ZNF76: variants seen among roughly 807,000 people sequenced by gnomAD.
ZNF76 encodes zinc finger protein 523.
In ZNF76, 66 loss-of-function variants were observed where a neutral mutation model predicts 66.9. The ratio of observed to expected loss-of-function variants is 0.99; its 90% confidence interval spans 0.81 to 1.21. The LOEUF is 1.21. Ranked by LOEUF, ZNF76 falls within the 50% of genes most tolerant of loss-of-function variation. ZNF76 has a pLI of 0.00. For synonymous variants in ZNF76, 275 were observed against 296.1 expected, an observed-to-expected ratio of 0.93 and a Z score of 0.73; for missense variants, 729 against 760.3, an observed-to-expected ratio of 0.96 and a Z score of 0.48.
rs1362116269 is a variant in ZNF76, at chr6:35,287,454, G to A, written c.233-192G>A. 1.3e-5 allele frequency among the ~76,000 whole-genome samples: 2 copies of A among 152,136 alleles called. No homozygotes were observed. The highest frequency in any genetic ancestry group is 1.5e-5 in the Non-Finnish European group (1 of 68,016). The stretch of plus-strand genomic sequence containing the variant: ...GTGAGTTCCCATTTAGTGTACCATA[G>A]GAGACCTCATCCTTAGGTGAGACAG... On this transcript the variant is annotated intron_variant, in intron 4 of 13. Transcript: ENST00000373953. This position sits in a 1 kb window ranked among gnomAD's most constrained non-coding sequence, Gnocchi z 4.0.
At chr6:35,276,245 G>A (rs1001706383) in intron 1 of ZNF76, among the ~76,000 whole-genome samples, 8 of 152,162 alleles carry the variant, frequency 5.3e-5, no homozygotes, top group Non-Finnish European at 1.0e-4. Flanking sequence ...AGGGTAATTT[G>A]GGCCAGCATT....
In ZNF76 at chr6:35,292,881, C is replaced by T. The variant is rs1562133897; in HGVS notation, c.1166C>T (p.Ala389Val). The T allele has an allele frequency of 1.9e-6, 3 of 1,614,144 alleles. No individual in the cohort carries two copies. The highest frequency in any genetic ancestry group is 2.2e-5 in the East Asian group (1 of 44,884). The change falls in exon 11 of 14, where the codon GCC becomes GTC. Residue 389 changes from alanine to valine, a missense_variant and splice_region_variant. Physicochemically the swap from Ala to Val is moderately conservative, Grantham distance 64. Coordinates refer to ENST00000373953, the MANE Select transcript of ZNF76 (RefSeq NM_003427.5). The surrounding 1 kb of genome is among the most constrained non-coding windows in gnomAD (Gnocchi z 4.7). ...QALYEQQQLEAASAAEESPPP... is the reference protein window; with the variant it reads ...QALYEQQQLEVASAAEESPPP... ...GTCAGCCTTGGCTCTCCTCTCCCAG[C>T]CGCCTCTGCAGCCGAGGAGAGTCCG...
chr6:35,267,016 G>T (rs181979550), intron 1 of ZNF76, among the ~76,000 whole-genome samples: 99 of 151,898 alleles, frequency 6.5e-4, no homozygotes, highest in Non-Finnish European at 1.1e-3. Flanking sequence ...AACCAGGATG[G>T]TCTCTATCTC....
rs1223429264 is a variant in ZNF76 at position 35,292,677 on chromosome 6, A to G, written c.1055A>G (p.Lys352Arg). Residue 352 changes from lysine (K) to arginine (R), a missense_variant, in exon 10 of 14, where the codon AAG becomes AGG. By Grantham distance (26) the Lys-to-Arg change is conservative. Transcript: ENST00000373953. This position sits in a 1 kb window ranked among gnomAD's most constrained non-coding sequence, Gnocchi z 4.7. ...CKPYTCSTCG[K>R]TYRQTSTLAM... is the part of the protein sequence containing the mutation. ...CCCTACACCTGCAGCACCTGCGGCAAGACCTACCGGCAGACCTCCACCTTG... is the reference window on the plus strand; with the variant it reads ...CCCTACACCTGCAGCACCTGCGGCAGGACCTACCGGCAGACCTCCACCTTG... 6.8e-6 allele frequency: 11 copies of G among 1,614,064 alleles called. No individual in the cohort carries two copies. The Admixed American group carries it at 1.8e-4, about 27-fold the overall frequency.
intron 1 of ZNF76, among the ~76,000 whole-genome samples, chr6:35,264,214 A>G (rs1207937844): frequency 6.6e-6 from 1 of 152,180 alleles, no homozygotes; most frequent in Admixed American, 6.5e-5. Flanking sequence ...CCCCTCCCCA[A>G]AGTTCTCCAA....
In ZNF76 at chr6:35,291,761, C is replaced by T. The variant is rs774665160; in HGVS notation, c.931+24C>T. 11 of 1,601,444 alleles carry T rather than the reference C, an allele frequency of 6.9e-6. No individual in the cohort carries two copies. In the East Asian group the frequency reaches 1.8e-4, roughly 26 times the overall value. On this transcript the variant is annotated intron_variant, in intron 9 of 13. Transcript: ENST00000373953. ...AGGTGGGCTAGCTGGCATGCGAGGA[C>T]TACCCTCACTCAGGCCCCAACCCCT...
intron 1 of ZNF76, among the ~76,000 whole-genome samples, chr6:35,262,518 C>T (rs1358033598): frequency 6.6e-6 from 1 of 152,138 alleles, no homozygotes; most frequent in Non-Finnish European, 1.5e-5. Context: ...ACAGTGTCTC[C>T]CACCTCACTG....
intron 11 of ZNF76, among the ~76,000 whole-genome samples, chr6:35,293,439 C>T (rs1790732162): frequency 2.0e-5 from 3 of 152,168 alleles, no homozygotes; most frequent in South Asian, 2.1e-4. Flanking sequence ...GACCCTTGTC[C>T]GTACCCTTGC....
intron 1 of ZNF76, among the ~76,000 whole-genome samples, chr6:35,269,687 A>T (rs1182070614): frequency 2.0e-5 from 3 of 152,182 alleles, no homozygotes; most frequent in Non-Finnish European, 2.9e-5. Flanking sequence ...GGTGCCTAAG[A>T]CCAGAGTTCT....
Position 35,281,180 on chromosome 6 carries a change from C to A in ZNF76, c.29C>A (p.Thr10Asn), listed in dbSNP as rs554687025. Residue 10 changes from threonine (T) to asparagine (N), a missense_variant, in exon 2 of 14, where the codon ACC becomes AAC. By Grantham distance (65) the Thr-to-Asn change is moderately conservative. Coordinates refer to ENST00000373953, the MANE Select transcript of ZNF76 (RefSeq NM_003427.5). ...GAGAGCTTGGGGCTGCACACGGTGACCCTTAGTGATGGGACAACAGCCTAC... is the reference window on the plus strand; with the variant it reads ...GAGAGCTTGGGGCTGCACACGGTGAACCTTAGTGATGGGACAACAGCCTAC... MESLGLHTV[T>N]LSDGTTAYVQ... 1.6e-5 allele frequency: 26 copies of A among 1,613,988 alleles called. No homozygotes were observed. Among genetic ancestry groups the A allele is most frequent in the Admixed American group, 5.0e-5 (3 of 60,018 alleles).
At chr6:35,282,499 G>A in intron 2 of ZNF76, among the ~76,000 whole-genome samples, 1 of 152,100 alleles carries the variant, frequency 6.6e-6, no homozygotes, top group East Asian at 1.9e-4. Flanking sequence ...AAGTGTTTAG[G>A]GCAAGGCCTG....
intron 1 of ZNF76, among the ~76,000 whole-genome samples, chr6:35,277,407 C>G (rs1208613478): frequency 1.3e-5 from 2 of 152,356 alleles, no homozygotes; most frequent in African/African-American, 4.8e-5. Flanking sequence ...CTGGAAAATG[C>G]AAAGGCTCAC....
At chr6:35,261,394 G>C (rs183769127) in intron 1 of ZNF76, among the ~76,000 whole-genome samples, 13 of 152,090 alleles carry the variant, frequency 8.5e-5, no homozygotes, top group Non-Finnish European at 1.0e-4. Context: ...CCTCAATAAC[G>C]ATTGGCTTGC....
intron 1 of ZNF76, chr6:35,279,270 T>G (rs142458015): frequency 1.2e-5 from 2 of 167,576 alleles, no homozygotes; most frequent in African/African-American, 2.4e-5. Context: ...TGCCACTGTT[T>G]CCATGGGCCT....
intron 2 of ZNF76, among the ~76,000 whole-genome samples, chr6:35,281,812 T>G (rs1316904287): frequency 1.3e-5 from 2 of 151,836 alleles, no homozygotes; most frequent in African/African-American, 4.8e-5. Context: ...AGCATGCACC[T>G]TTAGTCCCAG....
At chr6:35,276,827 G>A (rs1398863644) in intron 1 of ZNF76, among the ~76,000 whole-genome samples, 1 of 82,486 alleles carries the variant, frequency 1.2e-5, no homozygotes, top group Non-Finnish European at 2.2e-5. Flanking sequence ...CAAGAGTTTT[G>A]CTGTTGTTGC....
At chr6:35,291,502 T>A in intron 8 of ZNF76, 56 bp from the exon 9 acceptor site, 1 of 1,606,800 alleles carries the variant, frequency 6.2e-7, no homozygotes, top group Non-Finnish European at 8.5e-7. Context: ...ATCCCCAGCT[T>A]GCTCCAGCAT....
At chr6:35,276,817 C>T (rs1193385359) in intron 1 of ZNF76, among the ~76,000 whole-genome samples, 4 of 103,436 alleles carry the variant, frequency 3.9e-5, no homozygotes, top group South Asian at 2.9e-4. Context: ...TTTTTTGAGA[C>T]AAGAGTTTTG....
At chr6:35,264,217 TTC>T (rs964196699) in intron 1 of ZNF76, among the ~76,000 whole-genome samples, 5 of 152,240 alleles carry the variant, frequency 3.3e-5, no homozygotes, top group African/African-American at 1.2e-4. Context: ...CTCCCCAAAG[TTC>T]TCCAAACATG....
Sources: gnomAD v4.1 joint callset for allele counts (sites outside exome capture counted in the v4.1 genomes callset) on GRCh38, gnomAD v4.1.1 for gene constraint, Gnocchi (gnomAD v3.1) non-coding constraint, MANE v1.5 for transcripts, NCBI Gene and HGNC (gene_info 2026-07-23, HGNC 2026-07-21) for gene names.